PRKG1: variants seen among roughly 807,000 people sequenced by gnomAD.
PRKG1 encodes the protein cGMP-dependent protein kinase 1.
A neutral mutation model predicts 88.1 loss-of-function variants in PRKG1; 35 were observed. That is an observed-to-expected ratio of 0.40 (90% CI 0.30 to 0.53). PRKG1 has a LOEUF of 0.53. PRKG1 is among the 20% of genes least tolerant of loss of function. The probability of loss-of-function intolerance (pLI) is 0.59; values close to 1 mark genes in which losing one functional copy is unlikely to be tolerated. For missense variants in PRKG1, 540 were observed against 839.8 expected, an observed-to-expected ratio of 0.64 and a Z score of 4.41; for synonymous variants, 303 against 292.5, an observed-to-expected ratio of 1.04 and a Z score of -0.37.
chr10:51,844,627 T>C (rs145685652), intron 4 of PRKG1, among the ~76,000 whole-genome samples: 239 of 152,296 alleles, frequency 1.6e-3, no homozygotes, highest in Middle Eastern at 0.01. Context: ...AATCTACTTT[T>C]ATTAGCTTCT....
intron 3 of PRKG1, among the ~76,000 whole-genome samples, chr10:51,727,030 C>T (rs928694981): frequency 1.2e-4 from 19 of 152,024 alleles, no homozygotes; most frequent in African/African-American, 3.9e-4. Context: ...CCGCCTGCCT[C>T]GGCCTCCCAA....
chr10:51,114,894 T>C (rs1292676695), intron 1 of PRKG1, among the ~76,000 whole-genome samples: 1 of 152,192 alleles, frequency 6.6e-6, no homozygotes, highest in African/African-American at 2.4e-5. Context: ...TCCTGGAAAT[T>C]TGGTTATTAC....
chr10:51,871,490 TG>T, intron 4 of PRKG1, among the ~76,000 whole-genome samples: 1 of 152,318 alleles, frequency 6.6e-6, no homozygotes, highest in Admixed American at 6.5e-5. Context: ...AGCCTGGGCA[TG>T]GGCATGCAAA....
At chr10:51,824,364 A>G (rs1354824343) in intron 4 of PRKG1, among the ~76,000 whole-genome samples, 1 of 152,026 alleles carries the variant, frequency 6.6e-6, no homozygotes, top group Non-Finnish European at 1.5e-5. Context: ...AGTGTTGGAA[A>G]TACAGTATGC....
At chr10:51,564,443 G>A in intron 3 of PRKG1, among the ~76,000 whole-genome samples, 1 of 152,016 alleles carries the variant, frequency 6.6e-6, no homozygotes, top group East Asian at 1.9e-4. Flanking sequence ...GGGACAGTTG[G>A]ATAAAAGTTT....
At chr10:51,866,554 G>A (rs756743549) in intron 4 of PRKG1, among the ~76,000 whole-genome samples, 2 of 152,070 alleles carry the variant, frequency 1.3e-5, no homozygotes, top group African/African-American at 2.4e-5. Context: ...GATAATTTCT[G>A]GATTTTCTAA....
intron 2 of PRKG1, among the ~76,000 whole-genome samples, chr10:51,322,004 C>T (rs934499885): frequency 6.6e-6 from 1 of 152,152 alleles, no homozygotes; most frequent in African/African-American, 2.4e-5. Flanking sequence ...CTTTGTCATC[C>T]AGTGTATATT....
chr10:51,088,808 ATTTTTTT>A (rs200475991), intron 1 of PRKG1, among the ~76,000 whole-genome samples: 14 of 137,032 alleles, frequency 1.0e-4, no homozygotes, highest in Non-Finnish European at 1.9e-4. Flanking sequence ...ATTTAATATG[ATTTTTTT>A]TTTTTTTTTT....
At position 51,596,316 on chromosome 10, in the gene PRKG1, C is replaced by A. The variant is rs149651059; in HGVS notation, c.592+128480C>A. The stretch of plus-strand genomic sequence containing the variant: ...TTAAATGAGCACAATTTTCAGTGAA[C>A]CTGGAAAGTTTTGCCTATGGTATCA... On this transcript the variant is annotated intron_variant, in intron 3 of 17. Transcript: ENST00000373980. 4.9e-3 allele frequency among the ~76,000 whole-genome samples: 739 copies of A among 152,258 alleles called. 9 individuals are homozygous for A. The highest frequency in any genetic ancestry group is 0.016 in the African/African-American group (671 of 41,542).
chr10:51,662,637 A>C (rs1054314335), intron 3 of PRKG1, among the ~76,000 whole-genome samples: 4 of 152,156 alleles, frequency 2.6e-5, no homozygotes, highest in Admixed American at 6.6e-5. Context: ...TTGTATACAT[A>C]AAACCATTAT....
At chr10:51,746,157 A>G (rs574867158) in intron 3 of PRKG1, among the ~76,000 whole-genome samples, 12 of 152,220 alleles carry the variant, frequency 7.9e-5, no homozygotes, top group Middle Eastern at 6.8e-3. Flanking sequence ...CCTGAATACA[A>G]TCTTTAAAAG....
chr10:51,494,879 A>T (rs1840808838), intron 3 of PRKG1, among the ~76,000 whole-genome samples: 1 of 152,164 alleles, frequency 6.6e-6, no homozygotes, highest in South Asian at 2.1e-4. Context: ...TTAGTCATTT[A>T]TCTAGAAGAA....
intron 2 of PRKG1, chr10:51,245,475 A>T (rs1283977073): frequency 6.6e-6 from 1 of 152,066 alleles, no homozygotes; most frequent in African/African-American, 2.4e-5. Context: ...AGATGTGCAC[A>T]CTATCTTCCT....
chr10:51,360,682 C>T (rs893333841), intron 2 of PRKG1, among the ~76,000 whole-genome samples: 18 of 151,862 alleles, frequency 1.2e-4, no homozygotes, highest in Non-Finnish European at 2.4e-4. Context: ...GCTTGTAACG[C>T]TTTTGTCTTT....
intron 1 of PRKG1, among the ~76,000 whole-genome samples, chr10:51,017,624 T>G (rs908778152): frequency 2.6e-5 from 4 of 152,144 alleles, no homozygotes; most frequent in Non-Finnish European, 4.4e-5. Flanking sequence ...ATGACCCAGT[T>G]ATAAAACAGT....
chr10:51,583,218 A>C (rs1025842971), intron 3 of PRKG1, among the ~76,000 whole-genome samples: 3 of 152,166 alleles, frequency 2.0e-5, no homozygotes, highest in African/African-American at 7.2e-5. Flanking sequence ...GCCAGGATAA[A>C]GTTAAAAAGA....
chr10:51,330,433 G>A (rs1028340395), intron 2 of PRKG1, among the ~76,000 whole-genome samples: 56 of 152,158 alleles, frequency 3.7e-4, no homozygotes, highest in African/African-American at 1.3e-3. Flanking sequence ...TTACAGGCGT[G>A]AGCCACCACA....
intron 3 of PRKG1, among the ~76,000 whole-genome samples, chr10:51,583,866 G>A (rs1272527504): frequency 6.6e-6 from 1 of 151,958 alleles, no homozygotes; most frequent in African/African-American, 2.4e-5. Flanking sequence ...TAATGGTATG[G>A]CATATAGTAT....
intron 3 of PRKG1, among the ~76,000 whole-genome samples, chr10:51,554,899 A>G (rs1837271081): frequency 6.6e-6 from 1 of 151,860 alleles, no homozygotes; most frequent in African/African-American, 2.4e-5. Flanking sequence ...TTCTTGCCTC[A>G]AGTGGGTTGT....
Sources: allele counts gnomAD v4.1 joint callset (sites outside exome capture counted in the v4.1 genomes callset), GRCh38; gene constraint gnomAD v4.1.1; transcripts MANE v1.5; gene names NCBI Gene and HGNC (gene_info 2026-07-23, HGNC 2026-07-21).